Variants in FZD6 observed in about 807,000 individuals in gnomAD.
The protein encoded by FZD6 is frizzled-6.
FZD6 carries 49 observed loss-of-function variants against 61.4 expected under a neutral mutation model. The observed-to-expected ratio is 0.80, with a 90% confidence interval of 0.63 to 1.01. The LOEUF (loss-of-function observed/expected upper bound fraction) is 1.01, where lower values mean the gene tolerates loss of function less well. Among genes scored for constraint, FZD6 ranks in the 50% least tolerant of loss-of-function variants. The probability of loss-of-function intolerance (pLI) is 0.00; values close to 1 mark genes in which losing one functional copy is unlikely to be tolerated. For synonymous variants in FZD6, 265 were observed against 292.2 expected (o/e 0.91, Z 0.95); for missense variants, 724 against 848.2 (o/e 0.85, Z 1.82).
chr8:103,321,408 C>T (rs897735001), intron 3 of FZD6, among the ~76,000 whole-genome samples: 20 of 152,182 alleles, frequency 1.3e-4, no homozygotes, highest in African/African-American at 4.8e-4. Context: ...AATATTTTTT[C>T]ATTTCTATAA....
intron 2 of FZD6, among the ~76,000 whole-genome samples, chr8:103,303,883 C>G (rs544769924): frequency 6.6e-6 from 1 of 151,520 alleles, no homozygotes; most frequent in Non-Finnish European, 1.5e-5. Flanking sequence ...TAAAGGAATT[C>G]AACTTTTGAT....
intron 2 of FZD6, among the ~76,000 whole-genome samples, chr8:103,306,386 A>G (rs1355750211): frequency 6.6e-6 from 1 of 152,124 alleles, no homozygotes; most frequent in Non-Finnish European, 1.5e-5. Flanking sequence ...GAATTTACTC[A>G]AGACTTTTGT....
chr8:103,308,119 T>C (rs1220502221), intron 2 of FZD6, among the ~76,000 whole-genome samples: 1 of 152,200 alleles, frequency 6.6e-6, no homozygotes, highest in Non-Finnish European at 1.5e-5. Context: ...GGCACTCTTC[T>C]GCCACCATGG....
intron 2 of FZD6, among the ~76,000 whole-genome samples, chr8:103,301,582 T>C (rs989330659): frequency 6.6e-6 from 1 of 152,228 alleles, no homozygotes; most frequent in Non-Finnish European, 1.5e-5. Context: ...TTTTTGTTTT[T>C]TCTTTTAGAG....
chr8:103,311,090 G>A (rs1024977905), intron 2 of FZD6, among the ~76,000 whole-genome samples: 1 of 152,132 alleles, frequency 6.6e-6, no homozygotes, highest in Non-Finnish European at 1.5e-5. Flanking sequence ...CAAAATGTAA[G>A]GAGGAGCAAA....
intron 2 of FZD6, 68 bp downstream of exon 2, chr8:103,300,352 TAA>T (rs1279640349): frequency 3.1e-5 from 35 of 1,135,450 alleles, no homozygotes; most frequent in Admixed American, 2.0e-4. Flanking sequence ...CTAGTAAAAA[TAA>T]GTCTATTTTT....
chr8:103,310,146 A>C (rs564358835), intron 2 of FZD6, among the ~76,000 whole-genome samples: 2 of 152,326 alleles, frequency 1.3e-5, no homozygotes, highest in East Asian at 3.9e-4. Context: ...CCTAGTTACA[A>C]TATCACCAGG....
At chr8:103,322,302 A>G (rs1814811891) in intron 3 of FZD6, among the ~76,000 whole-genome samples, 1 of 150,888 alleles carries the variant, frequency 6.6e-6, no homozygotes, top group Non-Finnish European at 1.5e-5. Flanking sequence ...ATTCTCAGCT[A>G]TTTAAGAGGA....
intron 3 of FZD6, among the ~76,000 whole-genome samples, chr8:103,320,369 T>C (rs187764071): frequency 1.2e-4 from 18 of 152,186 alleles, no homozygotes; most frequent in Admixed American, 8.5e-4. Context: ...GGTGGGATGC[T>C]TGGGGCTAAG....
rs761163188 is a variant in FZD6, at chr8:103,318,643, C to T, written c.231C>T (p.Leu77=). ...LECSPNIETF[L]CKAFVPTCIE... ...GTTCACCAAACATTGAAACTTTCCT[C>T]TGCAAAGCATTTGTACCAACCTGCA... The change falls in exon 3 of 7, where the codon CTC becomes CTT. Residue 77 remains leucine (L), a synonymous_variant. Transcript: ENST00000358755. The T allele has an allele frequency of 2.5e-6, 4 of 1,611,818 alleles. No homozygotes were observed. The Admixed American group carries it at 6.7e-5, about 27-fold the overall frequency.
intron 2 of FZD6, among the ~76,000 whole-genome samples, chr8:103,316,144 T>A (rs559807113): frequency 1.3e-5 from 2 of 152,206 alleles, no homozygotes; most frequent in Non-Finnish European, 1.5e-5. Flanking sequence ...GGTAGTATAC[T>A]TTGATTACAT....
chr8:103,331,682 G>T lies in FZD6; in HGVS notation c.*173G>T. 1 of 618,084 alleles carries T rather than the reference G, an allele frequency of 1.6e-6. No homozygotes were observed. The highest frequency in any genetic ancestry group is 2.9e-6 in the Non-Finnish European group (1 of 345,000). The allele number at this position is 618,084 out of a possible 1,614,324, so 38.3% of individuals were successfully genotyped here. ...ATAATATGACTCATTTCACACAAAG[G>T]TTAATGACAACAATATACCTGAAAA... is the stretch of plus-strand genomic sequence containing the variant. On this transcript the variant is annotated 3_prime_UTR_variant, in exon 7 of 7. Coordinates refer to ENST00000358755, the MANE Select transcript of FZD6 (RefSeq NM_003506.4).
intron 2 of FZD6, among the ~76,000 whole-genome samples, chr8:103,318,083 G>A (rs900980702): frequency 5.3e-5 from 8 of 152,182 alleles, no homozygotes; most frequent in African/African-American, 1.9e-4. Flanking sequence ...ATGGGGACTG[G>A]ATGAGTTTCC....
chr8:103,305,115 C>A (rs1814294401), intron 2 of FZD6, among the ~76,000 whole-genome samples: 1 of 152,196 alleles, frequency 6.6e-6, no homozygotes, highest in Non-Finnish European at 1.5e-5. Context: ...TGTTTCATAT[C>A]TAGAGCATTG....
chr8:103,311,861 A>G (rs1347927392), intron 2 of FZD6, among the ~76,000 whole-genome samples: 1 of 152,096 alleles, frequency 6.6e-6, no homozygotes, highest in African/African-American at 2.4e-5. Context: ...CGAGTTCATC[A>G]CTGTCACTTT....
At chr8:103,327,726 T>G (rs907534197) in intron 4 of FZD6, among the ~76,000 whole-genome samples, 2 of 152,174 alleles carry the variant, frequency 1.3e-5, no homozygotes, top group African/African-American at 4.8e-5. Context: ...GTGACCCTTG[T>G]GCAATGTTTA....
chr8:103,321,765 A>T (rs1051646943), intron 3 of FZD6, among the ~76,000 whole-genome samples: 18 of 152,198 alleles, frequency 1.2e-4, no homozygotes, highest in African/African-American at 3.9e-4. Context: ...CTTTGTTTTC[A>T]GTTCCGGCTC....
At position 103,329,795 on chromosome 8, in the gene FZD6, G is replaced by A. The variant is rs1279212971; in HGVS notation, c.1682G>A (p.Ser561Asn). 3 of 1,614,022 alleles carry A rather than the reference G, an allele frequency of 1.9e-6. No individual in the cohort carries two copies. In the Admixed American group the frequency reaches 5.0e-5, roughly 27 times the overall value. ...GTCATTTCCAAATCCATGGGAACCA[G>A]CACAGGAGCTACAGCAAATCATGGC... is the stretch of plus-strand genomic sequence containing the variant. ...LKVISKSMGT[S>N]TGATANHGTS... Residue 561 changes from serine to asparagine, a missense_variant, in exon 6 of 7, where the codon AGC becomes AAC. By Grantham distance (46) the Ser-to-Asn change is conservative. Transcript: ENST00000358755.
At chr8:103,298,773 C>CCCG (rs539743508), upstream of FZD6, 18,534 of 158,312 alleles carry the variant, frequency 0.12, 1,120 homozygotes, top group Admixed American at 0.15. Context: ...CAGGGCCAGT[C>CCCG]CCGCCGCCGC....
Sources: allele counts gnomAD v4.1 joint callset (sites outside exome capture counted in the v4.1 genomes callset), GRCh38; gene constraint gnomAD v4.1.1; transcripts MANE v1.5; gene names NCBI Gene and HGNC (gene_info 2026-07-23, HGNC 2026-07-21).